Variants in PHLPP1 observed in about 807,000 individuals in gnomAD.
PHLPP1 encodes the protein PH domain and leucine rich repeat protein phosphatase 1, also known as PH domain leucine-rich repeat-containing protein phosphatase 1.
In PHLPP1, 42 loss-of-function variants were observed where a neutral mutation model predicts 117.2. The observed-to-expected ratio is 0.36, with a 90% CI of 0.28 to 0.46. The LOEUF (loss-of-function observed/expected upper bound fraction) is 0.46. Among genes scored for constraint, PHLPP1 ranks in the 20% least tolerant of loss-of-function variants. The pLI is 1.00. For synonymous variants in PHLPP1, 1,042 were observed against 970.7 expected (o/e 1.07, Z -1.37); for missense variants, 2,084 against 2,241.9 (o/e 0.93, Z 1.42).
chr18:62,945,283 C>T lies in PHLPP1; in HGVS notation c.3324+12C>T. 1 of 1,584,666 alleles carries T rather than the reference C, an allele frequency of 6.3e-7. No homozygotes were observed. Among genetic ancestry groups the T allele is most frequent in the South Asian group, 1.2e-5 (1 of 85,772 alleles). ...TCCCAGAGATCAAGGTATGTGGTTT[C>T]ATTTCATAAACTCTAAGCTTCAGGT... On this transcript the variant is annotated intron_variant, in intron 12 of 16. Transcript: ENST00000262719.
chr18:62,821,548 C>CAA (rs1568127680), intron 1 of PHLPP1, among the ~76,000 whole-genome samples: 699 of 29,318 alleles, frequency 0.024, 92 homozygotes, highest in Middle Eastern at 0.091. Flanking sequence ...GACCCTTTAT[C>CAA]CAAAAAAAAA....
intron 1 of PHLPP1, among the ~76,000 whole-genome samples, chr18:62,767,842 A>T (rs1241743931): frequency 1.3e-5 from 2 of 152,236 alleles, no homozygotes; most frequent in African/African-American, 2.4e-5. Flanking sequence ...CAATAGCAGA[A>T]AACCAATCAG....
intron 1 of PHLPP1, among the ~76,000 whole-genome samples, chr18:62,829,491 C>A (rs1914697978): frequency 6.6e-6 from 1 of 152,210 alleles, no homozygotes; most frequent in Non-Finnish European, 1.5e-5. Flanking sequence ...GTGGCTCACG[C>A]CTGTAATCCC....
intron 4 of PHLPP1, among the ~76,000 whole-genome samples, chr18:62,890,810 G>A (rs1315324152): frequency 1.3e-5 from 2 of 152,110 alleles, no homozygotes; most frequent in Non-Finnish European, 2.9e-5. Context: ...GCTCTATTAT[G>A]TTGGATAATG....
chr18:62,771,478 A>T (rs2144266877), intron 1 of PHLPP1, among the ~76,000 whole-genome samples: 2 of 152,336 alleles, frequency 1.3e-5, no homozygotes, highest in South Asian at 4.1e-4. Flanking sequence ...CATCTGTTAA[A>T]CAACAGCCCC....
intron 1 of PHLPP1, among the ~76,000 whole-genome samples, chr18:62,797,633 A>T: frequency 6.6e-6 from 1 of 152,230 alleles, no homozygotes; most frequent in East Asian, 1.9e-4. Context: ...AAACCTTGTC[A>T]TCTCTTATTT....
In PHLPP1 at chr18:62,975,531, G is replaced by A. The variant is rs745919125; in HGVS notation, c.3890G>A (p.Arg1297Gln). ...GGCAAGTGCCAAACAGTTCTCTGTC[G>A]AAATGGAAAGCCGCTGCCTCTGTCC... ...NVGKCQTVLC[R>Q]NGKPLPLSRS... is the part of the protein sequence containing the mutation. Residue 1297 changes from arginine to glutamine, a missense_variant, in exon 16 of 17, where the codon CGA (arginine) becomes CAA (glutamine). Arg to Gln is a conservative substitution (Grantham distance 43). Coordinates refer to ENST00000262719, the MANE Select transcript of PHLPP1 (RefSeq NM_194449.4). The A allele has an allele frequency of 1.4e-5, 23 of 1,613,846 alleles. No homozygotes were observed. Among genetic ancestry groups the A allele is most frequent in the East Asian group, 4.5e-5 (2 of 44,898 alleles).
intron 10 of PHLPP1, among the ~76,000 whole-genome samples, chr18:62,926,885 C>T (rs1909644000): frequency 6.6e-6 from 1 of 152,134 alleles, no homozygotes. Context: ...CAATTCCCAG[C>T]AATTACACTT....
At chr18:62,797,058 A>C (rs1471154893) in intron 1 of PHLPP1, among the ~76,000 whole-genome samples, 2 of 152,246 alleles carry the variant, frequency 1.3e-5, no homozygotes, top group Non-Finnish European at 1.5e-5. Context: ...AACAATAATC[A>C]ACATTGATCT....
At chr18:62,939,184 G>T (rs1000247293) in intron 10 of PHLPP1, among the ~76,000 whole-genome samples, 3 of 151,550 alleles carry the variant, frequency 2.0e-5, no homozygotes, top group Admixed American at 2.0e-4. Flanking sequence ...AGAGGAGGGG[G>T]GTTTCACCAT....
chr18:62,873,419 A>G (rs560592201), intron 4 of PHLPP1, among the ~76,000 whole-genome samples: 276 of 152,326 alleles, frequency 1.8e-3, no homozygotes, highest in African/African-American at 6.5e-3. Flanking sequence ...GTTTAATTCT[A>G]TGTGTGGAAA....
intron 14 of PHLPP1, among the ~76,000 whole-genome samples, chr18:62,965,093 A>G (rs1454615069): frequency 1.1e-4 from 17 of 152,350 alleles, no homozygotes. Context: ...TACAAGAAAT[A>G]GAAAATGGAC....
intron 11 of PHLPP1, among the ~76,000 whole-genome samples, chr18:62,942,839 G>A (rs552488305): frequency 2.6e-5 from 4 of 152,190 alleles, no homozygotes; most frequent in Middle Eastern, 3.4e-3. Flanking sequence ...CAGTCTGTTC[G>A]AGCCCTTGCT....
intron 1 of PHLPP1, among the ~76,000 whole-genome samples, chr18:62,726,728 C>A (rs1432421227): frequency 6.0e-5 from 9 of 150,646 alleles, no homozygotes; most frequent in African/African-American, 2.2e-4. Flanking sequence ...GGATTACAGG[C>A]GCCTGCCACC....
chr18:62,871,793 C>T lies in PHLPP1; in HGVS notation c.2066+11192C>T, dbSNP rs543885067. Among the ~76,000 whole-genome samples, 28 of 151,932 alleles carry T rather than the reference C, an allele frequency of 1.8e-4. 1 individual carries two copies. The highest frequency in any genetic ancestry group is 3.9e-4 in the East Asian group (2 of 5,162). ...CTGAGTAGCTGGGATTACAGGCACG[C>T]GCCACCACGCCCAGCAAATTTTTGT... On this transcript the variant is annotated intron_variant, in intron 4 of 16. Coordinates refer to ENST00000262719, the MANE Select transcript of PHLPP1 (RefSeq NM_194449.4).
At chr18:62,743,916 G>C (rs181497498) in intron 1 of PHLPP1, among the ~76,000 whole-genome samples, 3 of 152,108 alleles carry the variant, frequency 2.0e-5, no homozygotes, top group Admixed American at 1.3e-4. Context: ...TATGTTGATA[G>C]GCTTTTTAAT....
Position 62,838,817 on chromosome 18 carries a change from G to A in PHLPP1, c.1807G>A (p.Ala603Thr), listed in dbSNP as rs372992497. 1.2e-6 allele frequency: 2 copies of A among 1,613,644 alleles called. No homozygotes were observed. Among genetic ancestry groups the A allele is most frequent in the African/African-American group, 1.3e-5 (1 of 74,928 alleles). Residue 603 changes from alanine (A) to threonine (T), a missense_variant, in exon 3 of 17, where the codon GCA becomes ACA. Physicochemically the swap from Ala to Thr is moderately conservative, Grantham distance 58. Transcript: ENST00000262719. The stretch of plus-strand genomic sequence containing the variant: ...AGTGAAAAAGCACCAACACTGTTTA[G>A]CATTTAGCTCCTCTGGACCCCAAAG... Reference protein sequence around the residue: ...EEVKKHQHCLAFSSSGPQSQT... With the variant: ...EEVKKHQHCLTFSSSGPQSQT...
intron 4 of PHLPP1, among the ~76,000 whole-genome samples, chr18:62,892,287 C>T (rs1180523344): frequency 6.6e-6 from 1 of 151,768 alleles, no homozygotes; most frequent in Non-Finnish European, 1.5e-5. Context: ...CAGGGTTTCA[C>T]CATGTTGGCC....
At chr18:62,798,137 T>G (rs1179793560) in intron 1 of PHLPP1, among the ~76,000 whole-genome samples, 1 of 152,200 alleles carries the variant, frequency 6.6e-6, no homozygotes. Flanking sequence ...AGGTGGCTGG[T>G]CCCCAACCCC....
Sources: gnomAD v4.1 joint callset for allele counts (sites outside exome capture counted in the v4.1 genomes callset) on GRCh38, gnomAD v4.1.1 for gene constraint, MANE v1.5 for transcripts, NCBI Gene and HGNC (gene_info 2026-07-23, HGNC 2026-07-21) for gene names.